The following COL5A3 variants were observed in gnomAD, a reference collection of about 807,000 sequenced individuals.
COL5A3 encodes the protein collagen type V alpha 3 chain.
COL5A3 carries 172 observed loss-of-function variants against 250.0 expected under a neutral mutation model. The observed-to-expected ratio is 0.69, with a 90% CI of 0.61 to 0.78. The LOEUF (loss-of-function observed/expected upper bound fraction) is 0.78, where lower values mean the gene tolerates loss of function less well. Among genes scored for constraint, COL5A3 ranks in the 30% least tolerant of loss-of-function variants. The pLI, the probability that COL5A3 is intolerant of heterozygous loss-of-function variation, is 0.00. For synonymous variants in COL5A3, 937 were observed against 900.4 expected (o/e 1.04, Z -0.73); for missense variants, 2,340 against 2,334.4 (o/e 1.00, Z -0.05).
intron 64 of COL5A3, among the ~76,000 whole-genome samples, chr19:9,965,213 G>A (rs1288746632): frequency 2.8e-5 from 4 of 141,614 alleles, no homozygotes; most frequent in African/African-American, 1.1e-4. Flanking sequence ...GAAGTTCAGT[G>A]ACACGATCTC....
Position 9,970,649 on chromosome 19 carries a change from G to A in COL5A3, c.3909C>T (p.Pro1303=), listed in dbSNP as rs533844588. The change falls in exon 54 of 67, where the codon CCC becomes CCT. Residue 1303 remains proline (P), a synonymous_variant. Coordinates refer to ENST00000264828, the MANE Select transcript of COL5A3 (RefSeq NM_015719.4). ...GPGPPGASGE[P]GAPGPPGKRG... Reference sequence around the variant, plus strand: ...TCTTGCCGGGGGGCCCGGGGGCGCCGGGCTCCCCAGAAGCTCCAGGCGGAC... The same window carrying A: ...TCTTGCCGGGGGGCCCGGGGGCGCCAGGCTCCCCAGAAGCTCCAGGCGGAC... 64 of 1,453,120 alleles carry A rather than the reference G, an allele frequency of 4.4e-5. No individual in the cohort carries two copies. In the African/African-American group the frequency reaches 6.4e-4, roughly 14 times the overall value. The allele number at this position is 1,453,120 out of a possible 1,614,324, so 90.0% of individuals were successfully genotyped here. A position where few individuals can be genotyped will look rare whatever the true frequency, so the allele number is the denominator to read the frequency against.
chr19:9,995,863 T>C, intron 15 of COL5A3: 1 of 599,932 alleles, frequency 1.7e-6, no homozygotes, highest in Non-Finnish European at 2.9e-6. Flanking sequence ...AGACTGGTCT[T>C]GAACTCCTGG....
intron 19 of COL5A3, 133 bp from the exon 20 acceptor site, chr19:9,993,200 A>G (rs1568425460): frequency 2.6e-6 from 3 of 1,149,434 alleles, no homozygotes; most frequent in East Asian, 2.4e-5. Context: ...GACTAAGTTC[A>G]TGGGATTCCA....
chr19:9,995,450 C>T, intron 16 of COL5A3, 114 bp downstream of exon 16: 2 of 872,434 alleles, frequency 2.3e-6, no homozygotes, highest in South Asian at 2.2e-5. Context: ...TCCCTGCCTT[C>T]AGCACTCTTT....
At chr19:9,965,705 T>C (rs2336499) in intron 64 of COL5A3, among the ~76,000 whole-genome samples, 29,704 of 149,128 alleles carry the variant, frequency 0.2, 3,089 homozygotes, top group South Asian at 0.34. Flanking sequence ...TGCCCCCGCT[T>C]GGCCTCCCAA....
intron 45 of COL5A3, among the ~76,000 whole-genome samples, chr19:9,976,117 G>A (rs1599541455): frequency 6.6e-6 from 1 of 150,470 alleles, no homozygotes; most frequent in African/African-American, 2.5e-5. Context: ...CTGGGATTGA[G>A]CCAAATTCTG....
chr19:9,976,118 C>T (rs1394528824), intron 45 of COL5A3, among the ~76,000 whole-genome samples: 1 of 134,678 alleles, frequency 7.4e-6, no homozygotes, highest in African/African-American at 2.8e-5. Context: ...TGGGATTGAG[C>T]CAAATTCTGG....
chr19:9,994,904 CTTAT>C (rs894177393), intron 16 of COL5A3, among the ~76,000 whole-genome samples: 1 of 151,768 alleles, frequency 6.6e-6, no homozygotes, highest in East Asian at 1.9e-4. Context: ...GGACCAGCAT[CTTAT>C]TTATTTATTA....
intron 66 of COL5A3, 23 bp from the exon 67 acceptor site, chr19:9,960,580 C>A: frequency 6.2e-7 from 1 of 1,613,848 alleles, no homozygotes; most frequent in South Asian, 1.1e-5. Context: ...AAGACAGAGA[C>A]GGTGAGTTAC....
At chr19:9,963,932 G>A (rs1007594925) in intron 64 of COL5A3, among the ~76,000 whole-genome samples, 62 of 152,210 alleles carry the variant, frequency 4.1e-4, no homozygotes, top group Admixed American at 3.3e-3. Context: ...ACTTTGGGAG[G>A]CCGAGATGGG....
chr19:9,999,631 AT>A (rs34836919), intron 8 of COL5A3, among the ~76,000 whole-genome samples: 47,847 of 150,674 alleles, frequency 0.32, 7,937 homozygotes, highest in African/African-American at 0.42. Flanking sequence ...CGCCCAGCTA[AT>A]TTTTTTGTAT....
At position 9,979,394 on chromosome 19, in the gene COL5A3, C is replaced by A. The variant is rs199880497; in HGVS notation, c.2736G>T (p.Pro912=). 5 of 1,614,012 alleles carry A rather than the reference C, an allele frequency of 3.1e-6. No homozygotes were observed. The highest frequency in any genetic ancestry group is 2.2e-5 in the South Asian group (2 of 91,068). The change falls in exon 38 of 67, where the codon CCG becomes CCT. Residue 912 remains proline (P), a synonymous_variant. Transcript: ENST00000264828. ...GGCCTAAGACACCAGCTGGTCCAGG[C>A]GGGCCTGTCTGACCTTGGAAGCCCT... is the stretch of plus-strand genomic sequence containing the variant. ...GELGFQGQTG[P]PGPAGVLGPQ...
chr19:10,001,326 T>C lies in COL5A3; in HGVS notation c.1110+198A>G, dbSNP rs139287926. ...GCTCCCAGCTAATTTTTTGTATTTT[T>C]AGTAGACATGGGATTTCACCACGTT... On this transcript the variant is annotated intron_variant, in intron 8 of 66. Transcript: ENST00000264828. Among the ~76,000 whole-genome samples, 4 of 152,180 alleles carry C rather than the reference T, an allele frequency of 2.6e-5. No homozygotes were observed. The East Asian group carries it at 7.7e-4, about 29-fold the overall frequency.
intron 8 of COL5A3, among the ~76,000 whole-genome samples, chr19:10,000,876 G>A (rs551137829): frequency 1.7e-3 from 266 of 152,250 alleles, no homozygotes; most frequent in African/African-American, 5.9e-3. Flanking sequence ...TCACTTATAA[G>A]TGGGAGCTAA....
chr19:9,970,343 T>C (rs1425804402), intron 54 of COL5A3, among the ~76,000 whole-genome samples: 80 of 35,334 alleles, frequency 2.3e-3, no homozygotes, highest in African/African-American at 2.7e-3. Context: ...TGTGGGTGAG[T>C]GTGTTCTGTG....
chr19:10,005,063 A>G (rs958552291), intron 4 of COL5A3, among the ~76,000 whole-genome samples: 1 of 151,914 alleles, frequency 6.6e-6, no homozygotes, highest in African/African-American at 2.4e-5. Flanking sequence ...CATCGTCACA[A>G]TTTATGGTCT....
At chr19:10,008,445 T>TGG (rs113147580) in intron 1 of COL5A3, among the ~76,000 whole-genome samples, 48,296 of 148,176 alleles carry the variant, frequency 0.33, 9,394 homozygotes, top group East Asian at 0.46. Flanking sequence ...GGACAAGGGG[T>TGG]GGGGGGGTCT....
Position 9,966,719 on chromosome 19 carries a change from G to T in COL5A3, c.4486C>A (p.Arg1496Ser). The T allele has an allele frequency of 6.5e-7, 1 of 1,536,446 alleles. No individual in the cohort carries two copies. The stretch of plus-strand genomic sequence containing the variant: ...ACTGGGACGAAGCGCCGGCGCCTGC[G>T]CAGCCCATGCAGCTCGGCAGGGGCA... Reference protein sequence around the residue: ...PGAPAELHGLRRRRRFVPVPL... With the variant: ...PGAPAELHGLSRRRRFVPVPL... The change falls in exon 63 of 67, where the codon CGC (arginine) becomes AGC (serine). Residue 1496 changes from arginine to serine, a missense_variant. Transcript: ENST00000264828.
Position 10,006,229 on chromosome 19 carries a change from G to A in COL5A3, c.91C>T (p.Pro31Ser), listed in dbSNP as rs948401839. Residue 31 changes from proline (P) to serine (S), a missense_variant and splice_region_variant, in exon 2 of 67, where the codon CCT (proline) becomes TCT (serine). Physicochemically the swap from Pro to Ser is moderately conservative, Grantham distance 74. Transcript: ENST00000264828. Reference sequence around the variant, plus strand: ...CCCAGGGCCTTCAGGACATCCACAGGATCTGCAGCAGAGAGAAGCCGGGGG... The same window carrying A: ...CCCAGGGCCTTCAGGACATCCACAGAATCTGCAGCAGAGAGAAGCCGGGGG... ...LQLLPGTQAD[P>S]VDVLKALGVQ... The A allele has an allele frequency of 2.9e-5, 46 of 1,595,508 alleles. No homozygotes were observed. The highest frequency in any genetic ancestry group is 3.7e-5 in the Non-Finnish European group (43 of 1,171,686).
Sources: allele counts gnomAD v4.1 joint callset (sites outside exome capture counted in the v4.1 genomes callset), GRCh38; gene constraint gnomAD v4.1.1; transcripts MANE v1.5; gene names NCBI Gene and HGNC (gene_info 2026-07-23, HGNC 2026-07-21).